LDB2: variants seen among roughly 807,000 people sequenced by gnomAD.
The protein encoded by LDB2 is LIM domain-binding protein 2.
LDB2 carries 12 observed loss-of-function variants against 44.3 expected under a neutral mutation model. The observed-to-expected ratio is 0.27, with a 90% CI of 0.17 to 0.44. The LOEUF is 0.44. LDB2 is among the 20% of genes least tolerant of loss of function. LDB2 has a pLI of 1.00. For synonymous variants in LDB2, 164 were observed against 174.8 expected, an observed-to-expected ratio of 0.94 and a Z score of 0.49; for missense variants, 344 against 473.5, an observed-to-expected ratio of 0.73 and a Z score of 2.54.
chr4:16,804,558 C>G (rs555735116), intron 1 of LDB2, among the ~76,000 whole-genome samples: 1 of 152,204 alleles, frequency 6.6e-6, no homozygotes, highest in South Asian at 2.1e-4. Flanking sequence ...AAGGGCGACT[C>G]TAAAGCAGAA....
At chr4:16,690,143 T>C (rs1750278748) in intron 2 of LDB2, among the ~76,000 whole-genome samples, 1 of 152,090 alleles carries the variant, frequency 6.6e-6, no homozygotes, top group Non-Finnish European at 1.5e-5. Context: ...TTCTAACTCA[T>C]GGGGAAGTTT....
intron 2 of LDB2, among the ~76,000 whole-genome samples, chr4:16,743,494 A>G (rs1339493562): frequency 6.6e-6 from 1 of 152,118 alleles, no homozygotes; most frequent in East Asian, 1.9e-4. Context: ...CTGCAATTAA[A>G]GTCCCTAATC....
At chr4:16,762,592 T>G (rs1768166416) in intron 1 of LDB2, among the ~76,000 whole-genome samples, 1 of 152,102 alleles carries the variant, frequency 6.6e-6, no homozygotes, top group Non-Finnish European at 1.5e-5. Context: ...ACTAACGCAC[T>G]ATCACGAGAA....
intron 1 of LDB2, among the ~76,000 whole-genome samples, chr4:16,769,172 A>G (rs570577402): frequency 6.6e-6 from 1 of 152,338 alleles, no homozygotes; most frequent in South Asian, 2.1e-4. Context: ...ACACACAAAT[A>G]AAAGTAATAA....
chr4:16,746,616 G>A (rs891555156), intron 2 of LDB2, among the ~76,000 whole-genome samples: 20 of 152,054 alleles, frequency 1.3e-4, no homozygotes, highest in South Asian at 2.1e-4. Context: ...GTGAAACCCC[G>A]TCTCTACTAA....
rs1308963411 is a variant in LDB2, at chr4:16,606,583, ATAAAGG to A, written c.236-10714_236-10709del. Among the ~76,000 whole-genome samples the A allele has an allele frequency of 3.3e-5, 5 of 152,172 alleles. No homozygotes were observed. The East Asian group carries it at 9.6e-4, about 29-fold the overall frequency. ...TCAAAAGTTTATCTGCATGTAAATG[ATAAAGG>A]TAAATAATTAATGACAGGCATCCAG... On this transcript the variant is annotated intron_variant, in intron 2 of 7. Coordinates refer to ENST00000304523, the MANE Select transcript of LDB2 (RefSeq NM_001290.5).
intron 5 of LDB2, among the ~76,000 whole-genome samples, chr4:16,562,457 A>C (rs544505266): frequency 6.6e-5 from 10 of 152,252 alleles, no homozygotes; most frequent in African/African-American, 2.4e-4. Context: ...CAACAGACAC[A>C]TGAAAAAATG....
intron 2 of LDB2, among the ~76,000 whole-genome samples, chr4:16,658,933 T>C (rs1247442011): frequency 6.6e-6 from 1 of 152,164 alleles, no homozygotes; most frequent in Non-Finnish European, 1.5e-5. Flanking sequence ...TTTTACTATA[T>C]TGTGCTGTCT....
At chr4:16,541,546 G>A (rs1733774242) in intron 5 of LDB2, among the ~76,000 whole-genome samples, 1 of 152,164 alleles carries the variant, frequency 6.6e-6, no homozygotes, top group Non-Finnish European at 1.5e-5. Flanking sequence ...CCATGATTGG[G>A]GTTCCTGAAT....
At chr4:16,723,789 T>G (rs1321662725) in intron 2 of LDB2, among the ~76,000 whole-genome samples, 2 of 152,116 alleles carry the variant, frequency 1.3e-5, no homozygotes, top group Non-Finnish European at 2.9e-5. Context: ...TCACACTTGC[T>G]TTAGATCCCT....
intron 2 of LDB2, among the ~76,000 whole-genome samples, chr4:16,658,739 C>T (rs1482938995): frequency 6.6e-6 from 1 of 152,166 alleles, no homozygotes; most frequent in Non-Finnish European, 1.5e-5. Context: ...ACTTTTTAAG[C>T]ATCCACCCAT....
chr4:16,700,398 T>C (rs1753184091), intron 2 of LDB2, among the ~76,000 whole-genome samples: 2 of 152,214 alleles, frequency 1.3e-5, no homozygotes, highest in South Asian at 4.1e-4. Flanking sequence ...TTGGTTGCTA[T>C]GTAAGAAGAT....
At chr4:16,657,541 T>C (rs1311626027) in intron 2 of LDB2, among the ~76,000 whole-genome samples, 1 of 152,226 alleles carries the variant, frequency 6.6e-6, no homozygotes, top group African/African-American at 2.4e-5. Context: ...TTCATCAAAC[T>C]TGGAAAATAC....
chr4:16,589,643 C>CTTA (rs1229275745), intron 3 of LDB2, among the ~76,000 whole-genome samples: 1 of 152,034 alleles, frequency 6.6e-6, no homozygotes, highest in African/African-American at 2.4e-5. Flanking sequence ...TCACTATTAA[C>CTTA]AACTTTGAAA....
At chr4:16,546,491 T>A (rs1004624429) in intron 5 of LDB2, among the ~76,000 whole-genome samples, 31 of 152,250 alleles carry the variant, frequency 2.0e-4, no homozygotes, top group African/African-American at 7.2e-4. Context: ...CACTTTTATG[T>A]AAGCATCAGA....
intron 1 of LDB2, among the ~76,000 whole-genome samples, chr4:16,895,339 T>C (rs1724666871): frequency 6.6e-6 from 1 of 152,152 alleles, no homozygotes; most frequent in Non-Finnish European, 1.5e-5. Context: ...GAAAATGCCC[T>C]GGGATCAGCC....
chr4:16,896,139 T>C (rs1220830635), intron 1 of LDB2, among the ~76,000 whole-genome samples: 2 of 152,198 alleles, frequency 1.3e-5, no homozygotes, highest in Non-Finnish European at 2.9e-5. Context: ...TTCATAGCAC[T>C]TTACTGTTAC....
chr4:16,597,107 G>A (rs1388949289), intron 2 of LDB2, among the ~76,000 whole-genome samples: 1 of 152,164 alleles, frequency 6.6e-6, no homozygotes, highest in Non-Finnish European at 1.5e-5. Context: ...AAAAGAATCA[G>A]TGATAATCCA....
intron 5 of LDB2, among the ~76,000 whole-genome samples, chr4:16,567,887 T>C (rs1745124788): frequency 6.6e-6 from 1 of 152,218 alleles, no homozygotes; most frequent in Non-Finnish European, 1.5e-5. Context: ...TAGTGAGGGT[T>C]AGTTAAATGG....
Sources: gnomAD v4.1 joint callset for allele counts (sites outside exome capture counted in the v4.1 genomes callset) on GRCh38, gnomAD v4.1.1 for gene constraint, MANE v1.5 for transcripts, NCBI Gene and HGNC (gene_info 2026-07-23, HGNC 2026-07-21) for gene names.